SGCD: variants seen among roughly 807,000 people sequenced by gnomAD.
The protein encoded by SGCD is sarcoglycan delta.
Under a neutral mutation model 36.6 loss-of-function variants are expected in SGCD, and 18 were observed. The ratio of observed to expected loss-of-function variants is 0.49; its 90% CI spans 0.34 to 0.73. SGCD has a LOEUF of 0.73. Among genes scored for constraint, SGCD ranks in the 30% least tolerant of loss-of-function variants. SGCD has a pLI of 0.01. For synonymous variants in SGCD, 133 were observed against 130.6 expected (o/e 1.02, Z -0.12); for missense variants, 387 against 346.7 (o/e 1.12, Z -0.92).
At chr5:156,439,930 G>C (rs1254827665) in intron 3 of SGCD, among the ~76,000 whole-genome samples, 1 of 152,074 alleles carries the variant, frequency 6.6e-6, no homozygotes, top group East Asian at 1.9e-4. Flanking sequence ...TGCCCAGAAA[G>C]CATTGGAAAC....
chr5:156,013,191 A>G (rs1006588875), intron 1 of SGCD, among the ~76,000 whole-genome samples: 12 of 151,442 alleles, frequency 7.9e-5, no homozygotes, highest in Non-Finnish European at 1.5e-4. Flanking sequence ...CACCCGGCTA[A>G]TTTTTGTATT....
At chr5:156,223,177 A>T (rs1175610216) in intron 3 of SGCD, among the ~76,000 whole-genome samples, 2 of 152,238 alleles carry the variant, frequency 1.3e-5, no homozygotes, top group South Asian at 2.1e-4. Flanking sequence ...AGAATTGATA[A>T]AGTTCAAAGG....
chr5:156,106,306 T>G (rs1433920839), intron 1 of SGCD, among the ~76,000 whole-genome samples: 1 of 151,916 alleles, frequency 6.6e-6, no homozygotes, highest in African/African-American at 2.4e-5. Flanking sequence ...GAGCTAGCTG[T>G]GTGGAAACTG....
chr5:156,413,236 G>A (rs56371636), intron 3 of SGCD, among the ~76,000 whole-genome samples: 18,546 of 152,182 alleles, frequency 0.12, 1,443 homozygotes, highest in Middle Eastern at 0.25. Context: ...GCAAAGGGTC[G>A]GGGAAGGCCC....
chr5:156,408,998 G>A (rs1289549126), intron 3 of SGCD, among the ~76,000 whole-genome samples: 1 of 152,102 alleles, frequency 6.6e-6, no homozygotes, highest in Non-Finnish European at 1.5e-5. Context: ...TATTCTCCTG[G>A]AAGTAGGAAG....
At chr5:156,242,626 T>TA (rs1765333110) in intron 3 of SGCD, among the ~76,000 whole-genome samples, 1 of 152,206 alleles carries the variant, frequency 6.6e-6, no homozygotes, top group Admixed American at 6.5e-5. Flanking sequence ...CTGTATTACT[T>TA]ATTATACCTG....
intron 3 of SGCD, among the ~76,000 whole-genome samples, chr5:156,208,452 GAAT>G (rs919443531): frequency 1.3e-5 from 2 of 152,346 alleles, no homozygotes; most frequent in Non-Finnish European, 2.9e-5. Flanking sequence ...TGGTTTGTAA[GAAT>G]AATTAGAAGC....
At chr5:156,602,301 C>CACA (rs149898503) in intron 6 of SGCD, among the ~76,000 whole-genome samples, 8,665 of 152,114 alleles carry the variant, frequency 0.057, 819 homozygotes, top group African/African-American at 0.2. Context: ...TTTGATGTCC[C>CACA]ACAACTGATT....
At chr5:156,069,065 C>G (rs1054432231) in intron 1 of SGCD, among the ~76,000 whole-genome samples, 1 of 152,102 alleles carries the variant, frequency 6.6e-6, no homozygotes, top group Non-Finnish European at 1.5e-5. Flanking sequence ...TTCTCCCATT[C>G]TGTAGGTTGC....
the SGCD span, among the ~76,000 whole-genome samples, chr5:155,744,620 T>G: frequency 6.6e-6 from 1 of 152,170 alleles, no homozygotes; most frequent in East Asian, 1.9e-4. Context: ...GAATAAACCC[T>G]GAACTGGTTA....
intron 7 of SGCD, among the ~76,000 whole-genome samples, chr5:156,718,160 G>T (rs1206690682): frequency 1.3e-5 from 2 of 152,030 alleles, no homozygotes; most frequent in Non-Finnish European, 2.9e-5. Flanking sequence ...TTCCTCATTA[G>T]GCTAAGCTTT....
chr5:156,325,096 TCTCA>T (rs577383357), upstream of SGCD, among the ~76,000 whole-genome samples: 1 of 152,310 alleles, frequency 6.6e-6, no homozygotes, highest in South Asian at 2.1e-4. Flanking sequence ...GCAGATTTGA[TCTCA>T]CTGTTTTTCT....
chr5:156,616,862 C>T (rs954658389), intron 6 of SGCD, among the ~76,000 whole-genome samples: 2 of 152,140 alleles, frequency 1.3e-5, no homozygotes, highest in Non-Finnish European at 2.9e-5. Flanking sequence ...CATGATCACA[C>T]TCATTTAAGT....
At chr5:156,100,629 A>G (rs530007196) in intron 1 of SGCD, among the ~76,000 whole-genome samples, 1 of 152,186 alleles carries the variant, frequency 6.6e-6, no homozygotes, top group East Asian at 1.9e-4. Flanking sequence ...TTATTCATGC[A>G]TGTTAGATCA....
rs1252958311 is a variant in SGCD at position 156,741,612 on chromosome 5, TAC to T, written c.576-15965_576-15964del. Among the ~76,000 whole-genome samples, 8 of 151,680 alleles carry T rather than the reference TAC, an allele frequency of 5.3e-5. No individual in the cohort carries two copies. In the East Asian group the frequency reaches 1.5e-3, roughly 29 times the overall value. On this transcript the variant is annotated intron_variant, in intron 7 of 8. Transcript: ENST00000337851. ...TTGTCATATTCCCTGGGCCGAAAACTACACATCTTCAAACACGAGCTGTGAAA... is the reference window on the plus strand; with the variant it reads ...TTGTCATATTCCCTGGGCCGAAAACTACATCTTCAAACACGAGCTGTGAAA...
chr5:156,091,224 A>G (rs148735362), intron 1 of SGCD, among the ~76,000 whole-genome samples: 2 of 152,270 alleles, frequency 1.3e-5, no homozygotes, highest in African/African-American at 4.8e-5. Flanking sequence ...TAGGTGTAAG[A>G]AATTATAAAA....
chr5:156,093,015 G>A (rs1761284260), intron 1 of SGCD, among the ~76,000 whole-genome samples: 1 of 152,216 alleles, frequency 6.6e-6, no homozygotes, highest in Non-Finnish European at 1.5e-5. Context: ...CTCCTGTGGG[G>A]AAATTTTAAT....
At chr5:156,645,207 T>C (rs1011253765) in intron 6 of SGCD, among the ~76,000 whole-genome samples, 3 of 152,188 alleles carry the variant, frequency 2.0e-5, no homozygotes, top group African/African-American at 7.2e-5. Context: ...TTATTGCCAG[T>C]AAATTATATT....
intron 3 of SGCD, among the ~76,000 whole-genome samples, chr5:156,391,120 T>A (rs1771536739): frequency 6.6e-6 from 1 of 152,232 alleles, no homozygotes; most frequent in East Asian, 1.9e-4. Context: ...GGTGAAACTT[T>A]GTATTTTAAA....
Sources: allele counts gnomAD v4.1 joint callset (sites outside exome capture counted in the v4.1 genomes callset), GRCh38; gene constraint gnomAD v4.1.1; transcripts MANE v1.5; gene names NCBI Gene and HGNC (gene_info 2026-07-23, HGNC 2026-07-21).